Variants in MICU3 observed in about 807,000 individuals in gnomAD.
MICU3 encodes the protein calcium uptake protein 3, mitochondrial.
A neutral mutation model predicts 66.5 loss-of-function variants in MICU3; 62 were observed. The observed-to-expected ratio is 0.93, with a 90% CI of 0.76 to 1.15. The LOEUF (loss-of-function observed/expected upper bound fraction) is 1.15, where lower values mean the gene tolerates loss of function less well. Ranked by LOEUF, MICU3 falls within the 50% of genes most tolerant of loss-of-function variation. The pLI is 0.00. For missense variants in MICU3, 779 were observed against 664.4 expected, an observed-to-expected ratio of 1.17 and a Z score of -1.90; for synonymous variants, 308 against 240.7, an observed-to-expected ratio of 1.28 and a Z score of -2.59.
intron 11 of MICU3, among the ~76,000 whole-genome samples, chr8:17,110,637 C>T (rs1445869222): frequency 6.6e-6 from 1 of 152,000 alleles, no homozygotes; most frequent in African/African-American, 2.4e-5. Flanking sequence ...AACCATAGGT[C>T]ACTGTAGCCC....
intron 2 of MICU3, among the ~76,000 whole-genome samples, chr8:17,064,917 G>A (rs1563318671): frequency 6.6e-6 from 1 of 152,052 alleles, no homozygotes; most frequent in Non-Finnish European, 1.5e-5. Flanking sequence ...GGTGGTAGTT[G>A]CAGCTTCAAA....
chr8:17,090,960 T>C (rs3862111), intron 8 of MICU3, among the ~76,000 whole-genome samples: 22,823 of 152,070 alleles, frequency 0.15, 2,255 homozygotes, highest in East Asian at 0.38. Context: ...CTATCCACCT[T>C]ATGTACAGTC....
At chr8:17,108,556 T>C (rs920358043) in intron 11 of MICU3, among the ~76,000 whole-genome samples, 5 of 152,124 alleles carry the variant, frequency 3.3e-5, no homozygotes, top group African/African-American at 1.2e-4. Context: ...GACTCCCTCT[T>C]TTCACATTCT....
At chr8:17,106,872 C>T (rs1801787709) in intron 11 of MICU3, among the ~76,000 whole-genome samples, 1 of 151,510 alleles carries the variant, frequency 6.6e-6, no homozygotes, top group Non-Finnish European at 1.5e-5. Flanking sequence ...CCAAGGCTTT[C>T]TAAGACAATG....
At chr8:17,138,597 C>T in the MICU3 span, among the ~76,000 whole-genome samples, 5 of 152,288 alleles carry the variant, frequency 3.3e-5, no homozygotes, top group East Asian at 9.6e-4. Context: ...CCATCGTCTT[C>T]AGACACAGAA....
In MICU3 at chr8:17,043,096, C is replaced by T. The variant is rs372228027; in HGVS notation, c.381+15436C>T. Among the ~76,000 whole-genome samples, 65 of 151,580 alleles carry T rather than the reference C, an allele frequency of 4.3e-4. 2 individuals are homozygous for T. Among genetic ancestry groups the T allele is most frequent in the East Asian group, 3.9e-3 (20 of 5,146 alleles). The stretch of plus-strand genomic sequence containing the variant: ...CTGGGACTACAGGCGCCCACCACCA[C>T]GCCCGGCTAATTTTTTGTATTTTTA... On this transcript the variant is annotated intron_variant, in intron 1 of 14. Coordinates refer to ENST00000318063, the MANE Select transcript of MICU3 (RefSeq NM_181723.3).
At chr8:17,129,778 G>A in the MICU3 span, among the ~76,000 whole-genome samples, 52 of 152,290 alleles carry the variant, frequency 3.4e-4, no homozygotes, top group Non-Finnish European at 6.5e-4. Context: ...TTGAAGAAAT[G>A]TGTAAGAGTT....
intron 1 of MICU3, among the ~76,000 whole-genome samples, chr8:17,031,698 G>T (rs982144123): frequency 6.6e-6 from 1 of 152,152 alleles, no homozygotes; most frequent in African/African-American, 2.4e-5. Context: ...ATATGCTGCT[G>T]AGCATAAGCC....
At chr8:17,033,602 A>G (rs1812457194) in intron 1 of MICU3, among the ~76,000 whole-genome samples, 1 of 151,904 alleles carries the variant, frequency 6.6e-6, no homozygotes, top group South Asian at 2.1e-4. Context: ...ACACCCAGCT[A>G]ATTTTTTTGT....
chr8:17,082,641 G>A (rs929393788), intron 5 of MICU3, among the ~76,000 whole-genome samples: 3 of 152,138 alleles, frequency 2.0e-5, no homozygotes, highest in African/African-American at 4.8e-5. Flanking sequence ...GTGAATGAAT[G>A]AAGAAAGGAA....
intron 3 of MICU3, among the ~76,000 whole-genome samples, chr8:17,071,631 A>G (rs775340145): frequency 3.9e-5 from 6 of 152,216 alleles, no homozygotes; most frequent in Non-Finnish European, 5.9e-5. Context: ...AAGGATTAGA[A>G]TAGAGGCACA....
At chr8:17,118,879 C>G (rs1218596568) in intron 14 of MICU3, 104 bp downstream of exon 14, 2 of 656,304 alleles carry the variant, frequency 3.0e-6, no homozygotes, top group African/African-American at 3.7e-5. Flanking sequence ...ATAGAATTAT[C>G]TAATTTATTT....
intron 11 of MICU3, among the ~76,000 whole-genome samples, chr8:17,107,856 A>G (rs913465937): frequency 8.5e-5 from 13 of 152,322 alleles, no homozygotes; most frequent in African/African-American, 2.6e-4. Context: ...CATGTGCCAG[A>G]TATCTGATTC....
intron 7 of MICU3, among the ~76,000 whole-genome samples, chr8:17,089,036 G>A (rs1799769752): frequency 6.6e-6 from 1 of 151,718 alleles, no homozygotes; most frequent in Non-Finnish European, 1.5e-5. Flanking sequence ...AAGGAGATTT[G>A]TTTTAAAGAA....
intron 9 of MICU3, among the ~76,000 whole-genome samples, chr8:17,103,763 T>C (rs944676890): frequency 6.6e-6 from 1 of 151,964 alleles, no homozygotes; most frequent in Non-Finnish European, 1.5e-5. Context: ...ATTAATTTTT[T>C]ATCCATTTGA....
chr8:17,081,254 C>T lies in MICU3; in HGVS notation c.647-439C>T, dbSNP rs571869537. Among the ~76,000 whole-genome samples the T allele has an allele frequency of 2.2e-4, 34 of 152,190 alleles. 3 individuals carry two copies. In the South Asian group the frequency reaches 7.1e-3, roughly 32 times the overall value. The stretch of plus-strand genomic sequence containing the variant: ...ACATCACATTTCTAAGTAACAGGGT[C>T]TAAGTGTTTTATCCAAGTGTTACTA... On this transcript the variant is annotated intron_variant, in intron 4 of 14. Coordinates refer to ENST00000318063, the MANE Select transcript of MICU3 (RefSeq NM_181723.3).
intron 1 of MICU3, among the ~76,000 whole-genome samples, chr8:17,045,183 T>G (rs1444118510): frequency 1.3e-5 from 2 of 152,186 alleles, no homozygotes; most frequent in East Asian, 3.8e-4. Flanking sequence ...TTTGATGTTA[T>G]GAGGTAGATA....
At position 17,029,004 on chromosome 8, in the gene MICU3, A is replaced by G. The variant is rs538157065; in HGVS notation, c.381+1344A>G. ...GTTTTTAAAAAGACCACGTTCAGAA[A>G]GCTAGAACTTTGGCTCCACGACTTG... On this transcript the variant is annotated intron_variant, in intron 1 of 14. Coordinates refer to ENST00000318063, the MANE Select transcript of MICU3 (RefSeq NM_181723.3). Among the ~76,000 whole-genome samples, 11 of 152,356 alleles carry G rather than the reference A, an allele frequency of 7.2e-5. No homozygotes were observed. The South Asian group carries it at 2.3e-3, about 32-fold the overall frequency.
chr8:17,109,745 T>C (rs775920178), intron 11 of MICU3, among the ~76,000 whole-genome samples: 29 of 152,074 alleles, frequency 1.9e-4, no homozygotes, highest in Non-Finnish European at 3.5e-4. Context: ...AATAAATAAT[T>C]TAAAAATTTT....
Sources: gnomAD v4.1 joint callset for allele counts (sites outside exome capture counted in the v4.1 genomes callset) on GRCh38, gnomAD v4.1.1 for gene constraint, MANE v1.5 for transcripts, NCBI Gene and HGNC (gene_info 2026-07-23, HGNC 2026-07-21) for gene names.